UGT2A2: variants seen among roughly 807,000 people sequenced by gnomAD.
UGT2A2 encodes UDP-glucuronosyltransferase 2A2.
UGT2A2 carries 60 observed loss-of-function variants against 50.7 expected under a neutral mutation model. The ratio of observed to expected loss-of-function variants is 1.18; its 90% CI spans 0.96 to 1.47. UGT2A2 has a LOEUF of 1.47. UGT2A2 is among the 40% of genes most tolerant of loss of function. UGT2A2 has a pLI of 0.00. For synonymous variants in UGT2A2, 242 were observed against 214.6 expected (o/e 1.13, Z -1.11); for missense variants, 762 against 634.0 (o/e 1.20, Z -2.17).
At chr4:69,625,314 T>C (rs1720990918) in intron 1 of UGT2A2, among the ~76,000 whole-genome samples, 1 of 151,064 alleles carries the variant, frequency 6.6e-6, no homozygotes, top group African/African-American at 2.4e-5. Context: ...TTGGATCTAT[T>C]TGTATATGGA....
chr4:69,624,505 T>C (rs1221102224), intron 1 of UGT2A2, among the ~76,000 whole-genome samples: 1 of 151,480 alleles, frequency 6.6e-6, no homozygotes, highest in Non-Finnish European at 1.5e-5. Flanking sequence ...ATTTTGCTAC[T>C]TTTTTTAAGT....
chr4:69,609,389 G>C (rs1249966696), intron 1 of UGT2A2, among the ~76,000 whole-genome samples: 6 of 151,864 alleles, frequency 4.0e-5, no homozygotes, highest in Admixed American at 3.9e-4. Context: ...TTGTAGAGAT[G>C]ATGTCTCTCT....
chr4:69,590,799 G>T (rs1050990015), intron 5 of UGT2A2, among the ~76,000 whole-genome samples: 4 of 152,110 alleles, frequency 2.6e-5, no homozygotes, highest in African/African-American at 9.7e-5. Context: ...TCCTATAAAT[G>T]ATGTGGGACA....
intron 3 of UGT2A2, 42 bp downstream of exon 3, chr4:69,596,208 A>G: frequency 6.9e-7 from 1 of 1,447,742 alleles, no homozygotes; most frequent in Non-Finnish European, 9.2e-7. Flanking sequence ...TGTCTCTCCC[A>G]TTAGTAAAAA....
chr4:69,590,469 A>G (rs1718524248), intron 5 of UGT2A2, among the ~76,000 whole-genome samples: 2 of 152,286 alleles, frequency 1.3e-5, no homozygotes, highest in South Asian at 4.1e-4. Context: ...TGTCTGGAAG[A>G]AAAGTTCCAG....
intron 1 of UGT2A2, among the ~76,000 whole-genome samples, chr4:69,634,483 A>G (rs1721569044): frequency 6.6e-6 from 1 of 152,152 alleles, no homozygotes; most frequent in African/African-American, 2.4e-5. Flanking sequence ...TATAGTTGAA[A>G]TACAAATAAT....
At chr4:69,613,875 G>A (rs891814434) in intron 1 of UGT2A2, among the ~76,000 whole-genome samples, 17 of 151,982 alleles carry the variant, frequency 1.1e-4, no homozygotes, top group African/African-American at 3.6e-4. Context: ...GCATCATATT[G>A]AATGAGTACA....
intron 1 of UGT2A2, among the ~76,000 whole-genome samples, chr4:69,609,209 G>T (rs1159400056): frequency 6.7e-6 from 1 of 150,100 alleles, no homozygotes; most frequent in Admixed American, 6.7e-5. Flanking sequence ...CTGGAATGCA[G>T]TGGTGCCAAC....
intron 1 of UGT2A2, among the ~76,000 whole-genome samples, chr4:69,630,887 T>C (rs1008188808): frequency 6.6e-5 from 10 of 151,930 alleles, no homozygotes; most frequent in African/African-American, 2.4e-4. Context: ...ATTATATATA[T>C]ACATACATGT....
intron 1 of UGT2A2, chr4:69,635,830 A>AC (rs1721661750): frequency 1.1e-5 from 1 of 92,022 alleles, no homozygotes; most frequent in African/African-American, 3.9e-5. Flanking sequence ...CACCTCACCA[A>AC]AAAAAAAAAA....
At chr4:69,628,334 A>T (rs1236331834) in intron 1 of UGT2A2, among the ~76,000 whole-genome samples, 2 of 151,972 alleles carry the variant, frequency 1.3e-5, no homozygotes, top group Non-Finnish European at 2.9e-5. Context: ...AAAGCTGCAG[A>T]CATCACACTC....
At chr4:69,618,265 T>A (rs1400071052) in intron 1 of UGT2A2, among the ~76,000 whole-genome samples, 1 of 147,528 alleles carries the variant, frequency 6.8e-6, no homozygotes, top group Non-Finnish European at 1.5e-5. Context: ...GGGAAGAATG[T>A]ATTACATTTG....
rs539200967 is a variant in UGT2A2 at position 69,605,406 on chromosome 4, G to A, written c.743-6012C>T. ...AAGACACAACATACCAGAATCTCTG[G>A]GACACATTCAAAGCAGTGTGTAGAG... On this transcript the variant is annotated intron_variant, in intron 1 of 5. Transcript: ENST00000604629. Among the ~76,000 whole-genome samples, 14 of 136,610 alleles carry A rather than the reference G, an allele frequency of 1.0e-4. 3 individuals carry two copies. Among genetic ancestry groups the A allele is most frequent in the Middle Eastern group, 7.6e-3 (2 of 262 alleles). The allele number at this position is 136,610 out of a possible 152,430, so 89.6% of individuals were successfully genotyped here.
In UGT2A2 at chr4:69,594,641, T is replaced by C. The variant is rs1178049375; in HGVS notation, c.1167A>G (p.Glu389=). 1.2e-6 allele frequency: 2 copies of C among 1,614,090 alleles called. No individual in the cohort carries two copies. The change falls in exon 5 of 6, where the codon GAA becomes GAG. Residue 389 remains glutamate, a synonymous_variant. Transcript: ENST00000604629. ...CCATAGGGACTCCGTGGTAAATAGC[T>C]TCGTAGATCCCATTAGTTCCACCAT... ...ITHGGTNGIY[E]AIYHGVPMVG...
At chr4:69,619,521 AAAG>A (rs1720616533) in intron 1 of UGT2A2, among the ~76,000 whole-genome samples, 1 of 152,010 alleles carries the variant, frequency 6.6e-6, no homozygotes, top group South Asian at 2.1e-4. Context: ...AAATAACGTT[AAAG>A]AAGACTCTAA....
intron 1 of UGT2A2, among the ~76,000 whole-genome samples, chr4:69,628,600 T>C (rs910867351): frequency 6.6e-6 from 1 of 151,304 alleles, no homozygotes; most frequent in Non-Finnish European, 1.5e-5. Context: ...TCAAATTTGA[T>C]GAAAAAAATT....
chr4:69,597,827 C>T (rs986589566), intron 2 of UGT2A2, among the ~76,000 whole-genome samples: 1 of 151,778 alleles, frequency 6.6e-6, no homozygotes, highest in Non-Finnish European at 1.5e-5. Flanking sequence ...TTCTGTGTAC[C>T]CAGTGATTGG....
chr4:69,624,065 A>G (rs991119640), intron 1 of UGT2A2, among the ~76,000 whole-genome samples: 5 of 151,592 alleles, frequency 3.3e-5, no homozygotes, highest in Non-Finnish European at 7.4e-5. Context: ...TGTATTATCA[A>G]TTACTGAGAG....
intron 3 of UGT2A2, 118 bp downstream of exon 3, chr4:69,596,131 GT>G (rs2109883294): frequency 1.6e-6 from 2 of 1,280,388 alleles, no homozygotes; most frequent in East Asian, 5.5e-5. Flanking sequence ...ACTTACAACT[GT>G]TACTAGTGAT....
Sources: allele counts gnomAD v4.1 joint callset (sites outside exome capture counted in the v4.1 genomes callset), GRCh38; gene constraint gnomAD v4.1.1; transcripts MANE v1.5; gene names NCBI Gene and HGNC (gene_info 2026-07-23, HGNC 2026-07-21).